RGL1: variants seen among roughly 807,000 people sequenced by gnomAD.
RGL1 encodes the protein ral guanine nucleotide dissociation stimulator-like 1.
Under a neutral mutation model 95.2 loss-of-function variants are expected in RGL1, and 24 were observed. The observed-to-expected ratio is 0.25, with a 90% CI of 0.18 to 0.35. The LOEUF (loss-of-function observed/expected upper bound fraction) is 0.35, where lower values mean the gene tolerates loss of function less well. RGL1 is among the 10% of genes least tolerant of loss of function. RGL1 has a pLI of 1.00. For missense variants in RGL1, 715 were observed against 936.3 expected (o/e 0.76, Z 3.08); for synonymous variants, 329 against 344.9 (o/e 0.95, Z 0.51).
intron 7 of RGL1, among the ~76,000 whole-genome samples, chr1:183,888,166 A>G (rs1415572531): frequency 2.6e-5 from 4 of 152,182 alleles, no homozygotes; most frequent in Non-Finnish European, 4.4e-5. Context: ...TGCTCTTTCT[A>G]GCATAGCTCT....
At chr1:183,651,442 G>T (rs1650745805) in intron 1 of RGL1, among the ~76,000 whole-genome samples, 1 of 152,130 alleles carries the variant, frequency 6.6e-6, no homozygotes, top group African/African-American at 2.4e-5. Context: ...GCCCACATCA[G>T]CTCATTCATT....
intron 12 of RGL1, 72 bp from the exon 13 acceptor site, chr1:183,904,778 A>G (rs1668217974): frequency 1.4e-6 from 2 of 1,467,062 alleles, no homozygotes; most frequent in Admixed American, 4.5e-5. Context: ...TTTCATGTTG[A>G]AAGATTCTAT....
intron 2 of RGL1, among the ~76,000 whole-genome samples, chr1:183,807,867 G>A (rs1661445811): frequency 6.6e-6 from 1 of 152,128 alleles, no homozygotes; most frequent in Non-Finnish European, 1.5e-5. Flanking sequence ...ACCTGATAGG[G>A]AAAGCAGAAC....
chr1:183,768,374 A>G (rs765291197), intron 2 of RGL1, among the ~76,000 whole-genome samples: 4 of 150,930 alleles, frequency 2.7e-5, no homozygotes, highest in Admixed American at 6.6e-5. Context: ...CTTTCTTCAC[A>G]TCTCTCTCCC....
chr1:183,772,702 C>T (rs1032246537), intron 2 of RGL1, among the ~76,000 whole-genome samples: 4 of 152,032 alleles, frequency 2.6e-5, no homozygotes, highest in Admixed American at 1.3e-4. Context: ...AAACAGTTAA[C>T]ATTCTTTAAA....
At chr1:183,894,390 A>G (rs1667578331) in intron 9 of RGL1, among the ~76,000 whole-genome samples, 1 of 152,246 alleles carries the variant, frequency 6.6e-6, no homozygotes, top group African/African-American at 2.4e-5. Context: ...TATGACTCAA[A>G]TTCCAAAGAA....
At chr1:183,855,281 T>C (rs72733456) in intron 3 of RGL1, among the ~76,000 whole-genome samples, 203 of 152,236 alleles carry the variant, frequency 1.3e-3, no homozygotes, top group Non-Finnish European at 2.4e-3. Context: ...GAAAACCTTT[T>C]CCCCCCGGGA....
intron 3 of RGL1, among the ~76,000 whole-genome samples, chr1:183,865,638 T>A (rs547294672): frequency 3.9e-5 from 6 of 152,134 alleles, no homozygotes; most frequent in African/African-American, 1.4e-4. Flanking sequence ...GACGGGAGGG[T>A]TTGGTGTGCT....
intron 15 of RGL1, among the ~76,000 whole-genome samples, chr1:183,915,083 A>T (rs933444940): frequency 1.3e-5 from 2 of 152,206 alleles, no homozygotes; most frequent in African/African-American, 2.4e-5. Context: ...TTGTCACATC[A>T]GCTGGCTGGC....
At chr1:183,893,319 A>G (rs1281438269) in intron 9 of RGL1, among the ~76,000 whole-genome samples, 2 of 152,218 alleles carry the variant, frequency 1.3e-5, no homozygotes, top group Non-Finnish European at 1.5e-5. Flanking sequence ...CTCCTTTTCT[A>G]TAAATGGGAG....
intron 16 of RGL1, 53 bp from the exon 17 acceptor site, chr1:183,922,169 C>T: frequency 6.9e-7 from 1 of 1,451,550 alleles, no homozygotes; most frequent in South Asian, 1.1e-5. Context: ...AGGAGAACTC[C>T]CTCAGGAAAC....
intron 1 of RGL1, among the ~76,000 whole-genome samples, chr1:183,687,356 T>C (rs1403582188): frequency 6.6e-6 from 1 of 152,180 alleles, no homozygotes; most frequent in Admixed American, 6.5e-5. Flanking sequence ...ATAGAAGAAG[T>C]CTGGTGCTTG....
chr1:183,914,163 G>T (rs985291976), intron 15 of RGL1, among the ~76,000 whole-genome samples: 7 of 152,156 alleles, frequency 4.6e-5, no homozygotes, highest in African/African-American at 1.7e-4. Flanking sequence ...ATTTCTCCCT[G>T]TCTCTCCAGG....
At chr1:183,761,951 G>A (rs1658686970) in intron 2 of RGL1, among the ~76,000 whole-genome samples, 1 of 152,144 alleles carries the variant, frequency 6.6e-6, no homozygotes, top group South Asian at 2.1e-4. Flanking sequence ...CTTTTCTTCT[G>A]TAGCTTCTTC....
intron 9 of RGL1, among the ~76,000 whole-genome samples, chr1:183,893,681 C>T (rs1038022896): frequency 9.3e-5 from 14 of 151,078 alleles, no homozygotes; most frequent in African/African-American, 3.2e-4. Flanking sequence ...AGTGTAGACT[C>T]CTCCTTTTCT....
At chr1:183,654,272 G>A (rs1249286905) in intron 1 of RGL1, among the ~76,000 whole-genome samples, 1 of 151,996 alleles carries the variant, frequency 6.6e-6, no homozygotes, top group Non-Finnish European at 1.5e-5. Context: ...CATCTTCCTT[G>A]GTGCTTGCTC....
At chr1:183,788,516 T>C (rs1660288362) in intron 2 of RGL1, among the ~76,000 whole-genome samples, 1 of 152,216 alleles carries the variant, frequency 6.6e-6, no homozygotes, top group African/African-American at 2.4e-5. Flanking sequence ...TGGACACTCA[T>C]TGGCTCAGTC....
In RGL1 at chr1:183,647,807, C is replaced by A. The variant is rs576075334; in HGVS notation, c.-33+11306C>A. 2.3e-4 allele frequency: 369 copies of A among 1,614,148 alleles called. 4 individuals are homozygous for A. In the South Asian group the frequency reaches 3.8e-3, roughly 17 times the overall value. ...CAAGGTCCTTGGTTTCCTGGAATGA[C>A]ATTTGAGGCATATTTAAGTGCCTTA... On this transcript the variant is annotated intron_variant, in intron 1 of 18. Transcript: ENST00000304685.
chr1:183,719,194 T>G (rs1381824391), intron 1 of RGL1, among the ~76,000 whole-genome samples: 2 of 152,196 alleles, frequency 1.3e-5, no homozygotes, highest in Non-Finnish European at 2.9e-5. Context: ...CAAACTACAC[T>G]ATTCATTTCA....
Sources: gnomAD v4.1 joint callset for allele counts (sites outside exome capture counted in the v4.1 genomes callset) on GRCh38, gnomAD v4.1.1 for gene constraint, MANE v1.5 for transcripts, NCBI Gene and HGNC (gene_info 2026-07-23, HGNC 2026-07-21) for gene names.